The following ROBO2 variants were observed in gnomAD, a reference collection of about 807,000 sequenced individuals.
ROBO2 encodes roundabout homolog 2.
Under a neutral mutation model 160.8 loss-of-function variants are expected in ROBO2, and 53 were observed. The ratio of observed to expected loss-of-function variants is 0.33; its 90% CI spans 0.26 to 0.41. The LOEUF is 0.41. ROBO2 is among the 10% of genes least tolerant of loss of function. The pLI is 1.00. For synonymous variants in ROBO2, 664 were observed against 611.7 expected (o/e 1.09, Z -1.26); for missense variants, 1,577 against 1,722.4 (o/e 0.92, Z 1.49).
intron 2 of ROBO2, among the ~76,000 whole-genome samples, chr3:76,992,224 C>T (rs572547191): frequency 1.3e-4 from 20 of 151,310 alleles, no homozygotes; most frequent in Non-Finnish European, 2.8e-4. Flanking sequence ...AAACATGAGA[C>T]TCATGGCAGC....
At chr3:76,776,745 C>T (rs1443311071) in intron 2 of ROBO2, among the ~76,000 whole-genome samples, 3 of 150,926 alleles carry the variant, frequency 2.0e-5, no homozygotes, top group Admixed American at 2.0e-4. Context: ...CAGAGATACA[C>T]ATCTCAAAGA....
chr3:76,922,402 C>T (rs1164987124), intron 2 of ROBO2, among the ~76,000 whole-genome samples: 1 of 152,164 alleles, frequency 6.6e-6, no homozygotes, highest in Non-Finnish European at 1.5e-5. Flanking sequence ...TTCAGCCAAC[C>T]AAGGCTTCGA....
intron 2 of ROBO2, among the ~76,000 whole-genome samples, chr3:76,155,132 A>G (rs2072356375): frequency 6.6e-6 from 1 of 152,216 alleles, no homozygotes; most frequent in Non-Finnish European, 1.5e-5. Flanking sequence ...CAGGTAATAC[A>G]TTAAAAATAA....
At chr3:77,618,145 A>G in intron 22 of ROBO2, 1 of 284,506 alleles carries the variant, frequency 3.5e-6, no homozygotes, top group African/African-American at 2.2e-5. Context: ...CTCACATCCC[A>G]TGATGTAATA....
chr3:77,598,655 C>G (rs564121502), intron 19 of ROBO2, among the ~76,000 whole-genome samples: 134 of 151,822 alleles, frequency 8.8e-4, no homozygotes, highest in African/African-American at 3.2e-3. Context: ...GCCAACACAC[C>G]CCACTTAGGA....
intron 2 of ROBO2, among the ~76,000 whole-genome samples, chr3:77,466,475 T>C (rs759798558): frequency 1.8e-4 from 28 of 152,176 alleles, no homozygotes; most frequent in Non-Finnish European, 3.5e-4. Context: ...TGGATGATGA[T>C]GTGATTCATG....
intron 2 of ROBO2, among the ~76,000 whole-genome samples, chr3:76,367,915 A>G (rs895725208): frequency 6.6e-6 from 1 of 151,672 alleles, no homozygotes; most frequent in African/African-American, 2.4e-5. Context: ...ATTTATTATT[A>G]TTTATATTTA....
chr3:76,581,404 C>T (rs920483612), intron 2 of ROBO2, among the ~76,000 whole-genome samples: 17 of 151,902 alleles, frequency 1.1e-4, no homozygotes, highest in Non-Finnish European at 2.9e-5. Context: ...TAGGGAAATA[C>T]GGAAGCAGCC....
intron 2 of ROBO2, among the ~76,000 whole-genome samples, chr3:75,964,197 G>A (rs1437925516): frequency 6.6e-6 from 1 of 151,586 alleles, no homozygotes; most frequent in Non-Finnish European, 1.5e-5. Context: ...ATGTAGCTGA[G>A]CTCTAAATAT....
intron 6 of ROBO2, among the ~76,000 whole-genome samples, chr3:77,541,675 C>A (rs765142136): frequency 9.2e-5 from 14 of 152,140 alleles, no homozygotes; most frequent in Non-Finnish European, 1.6e-4. Context: ...TTTGCTTCGT[C>A]TCATTTCTAG....
intron 2 of ROBO2, among the ~76,000 whole-genome samples, chr3:76,709,995 G>A (rs989365162): frequency 6.6e-6 from 1 of 152,058 alleles, no homozygotes; most frequent in African/African-American, 2.4e-5. Flanking sequence ...GGATTTTGAG[G>A]ATAAAGAAAA....
chr3:77,326,049 G>A (rs1310767159), intron 2 of ROBO2, among the ~76,000 whole-genome samples: 3 of 151,964 alleles, frequency 2.0e-5, no homozygotes, highest in Admixed American at 1.3e-4. Context: ...TTTTATTGAG[G>A]GAAAATAGCA....
intron 2 of ROBO2, among the ~76,000 whole-genome samples, chr3:76,128,084 C>T (rs1468495925): frequency 2.6e-5 from 4 of 151,628 alleles, no homozygotes; most frequent in African/African-American, 4.8e-5. Context: ...TTAGTAGAGA[C>T]GAGGTTTCAT....
chr3:76,447,431 T>G (rs1430733138), intron 2 of ROBO2, among the ~76,000 whole-genome samples: 6 of 149,738 alleles, frequency 4.0e-5, no homozygotes, highest in East Asian at 2.0e-4. Context: ...GGAACACTTT[T>G]ACACTGTTGG....
At chr3:76,390,928 C>A (rs2108641747) in intron 2 of ROBO2, among the ~76,000 whole-genome samples, 1 of 151,996 alleles carries the variant, frequency 6.6e-6, no homozygotes, top group African/African-American at 2.4e-5. Flanking sequence ...GAAGTGTACC[C>A]AATAAATAAA....
chr3:76,214,607 G>T (rs531574265), intron 2 of ROBO2, among the ~76,000 whole-genome samples: 6 of 152,188 alleles, frequency 3.9e-5, no homozygotes, highest in African/African-American at 1.4e-4. Context: ...CAGCAGCAAG[G>T]CTGGGGGAAG....
intron 2 of ROBO2, among the ~76,000 whole-genome samples, chr3:76,032,096 T>G (rs1054980545): frequency 2.0e-5 from 3 of 152,220 alleles, no homozygotes; most frequent in African/African-American, 7.2e-5. Context: ...AGGGTGTATG[T>G]GTCCAGGAAT....
intron 2 of ROBO2, among the ~76,000 whole-genome samples, chr3:76,387,061 C>T (rs1422666461): frequency 1.3e-5 from 2 of 152,142 alleles, no homozygotes; most frequent in African/African-American, 4.8e-5. Context: ...GATGAAGGTG[C>T]TGGCATTTGA....
intron 2 of ROBO2, among the ~76,000 whole-genome samples, chr3:77,278,833 A>G (rs1215081184): frequency 1.3e-5 from 2 of 152,114 alleles, no homozygotes; most frequent in African/African-American, 4.8e-5. Flanking sequence ...AGCCACCAGG[A>G]GGAAAAAAGA....
Sources: gnomAD v4.1 joint callset for allele counts (sites outside exome capture counted in the v4.1 genomes callset) on GRCh38, gnomAD v4.1.1 for gene constraint, MANE v1.5 for transcripts, NCBI Gene and HGNC (gene_info 2026-07-23, HGNC 2026-07-21) for gene names.